PAK3: variants seen among roughly 807,000 people sequenced by gnomAD.
PAK3 encodes p21 (RAC1) activated kinase 3.
Under a neutral mutation model 41.0 loss-of-function variants are expected in PAK3, and 4 were observed. That is an observed-to-expected ratio of 0.10 (90% confidence interval 0.05 to 0.22). The LOEUF (loss-of-function observed/expected upper bound fraction) is 0.22, where lower values mean the gene tolerates loss of function less well. Ranked by LOEUF, PAK3 falls within the 10% of genes least tolerant of loss-of-function variation. The pLI, the probability that PAK3 is intolerant of heterozygous loss-of-function variation, is 1.00. For missense variants in PAK3, 205 were observed against 409.9 expected, an observed-to-expected ratio of 0.50 and a Z score of 4.32; for synonymous variants, 146 against 139.6, an observed-to-expected ratio of 1.05 and a Z score of -0.32.
intron 10 of PAK3, among the ~76,000 whole-genome samples, chrX:111,167,280 G>T (rs1473181571): frequency 3.6e-5 from 4 of 111,033 alleles, no homozygotes; most frequent in East Asian, 5.7e-4. Flanking sequence ...AAGTAGAGCA[G>T]CCTGTGCTGA....
chrX:111,016,528 C>T (rs1301965994), intron 1 of PAK3, among the ~76,000 whole-genome samples: 1 of 110,851 alleles, frequency 9.0e-6, no homozygotes, highest in Non-Finnish European at 1.9e-5. Flanking sequence ...TATATATGTG[C>T]ACACGTGCTC....
At position 111,131,980 on chromosome X, in the gene PAK3, A is replaced by AT. The variant is rs752592755; in HGVS notation, c.175+8711dup. 9.8e-3 allele frequency among the ~76,000 whole-genome samples: 1,080 copies of AT among 109,932 alleles called. 12 individuals are homozygous for AT. Among genetic ancestry groups the AT allele is most frequent in the African/African-American group, 0.034 (1,017 of 30,258 alleles). ...AAATCAGAGGATGAAGCAAAATGGC[A>AT]TTTTTTTTTAATAAAAAAAGGAAAA... On this transcript the variant is annotated intron_variant, in intron 5 of 17. Transcript: ENST00000372007.
intron 4 of PAK3, among the ~76,000 whole-genome samples, chrX:111,119,906 T>A (rs1191807814): frequency 8.9e-6 from 1 of 112,282 alleles, no homozygotes; most frequent in African/African-American, 3.2e-5. Context: ...GTACTATTCT[T>A]TCAACAGCAA....
intron 1 of PAK3, among the ~76,000 whole-genome samples, chrX:110,949,790 A>C (rs1245315381): frequency 4.5e-5 from 5 of 111,712 alleles, no homozygotes; most frequent in Middle Eastern, 9.2e-3. Flanking sequence ...TGAGCTAACC[A>C]TGTCCCCTTC....
Position 111,123,112 on chromosome X carries a change from C to T in PAK3, c.9C>T (p.Asp3=), listed in dbSNP as rs745645606. The T allele has an allele frequency of 4.3e-5, 51 of 1,199,883 alleles. No individual in the cohort carries two copies. Among genetic ancestry groups the T allele is most frequent in the African/African-American group, 1.1e-4 (6 of 56,708 alleles). ...ATTAGTTGTAACTGAAAATGTCTGA[C>T]GGTCTGGATAATGAAGAGAAACCCC... MS[D]GLDNEEKPPA... is the part of the protein sequence containing the mutation. The change falls in exon 5 of 18, where the codon GAC becomes GAT. Residue 3 remains aspartate, a synonymous_variant. Coordinates refer to ENST00000372007, the MANE Select transcript of PAK3 (RefSeq NM_002578.5).
At chrX:111,156,643 T>G (rs1305005611) in intron 8 of PAK3, among the ~76,000 whole-genome samples, 2 of 112,092 alleles carry the variant, frequency 1.8e-5, no homozygotes, top group Non-Finnish European at 3.8e-5. Context: ...ATAGCCTGAA[T>G]TGATTACAAG....
chrX:111,118,185 G>T (rs182398755), intron 4 of PAK3, among the ~76,000 whole-genome samples: 12 of 111,481 alleles, frequency 1.1e-4, no homozygotes, highest in Admixed American at 1.9e-4. Context: ...TCTTTTTTTG[G>T]CAGTTAAAAA....
At chrX:111,090,754 G>A (rs1040438270) in intron 1 of PAK3, among the ~76,000 whole-genome samples, 1 of 112,055 alleles carries the variant, frequency 8.9e-6, no homozygotes, top group Non-Finnish European at 1.9e-5. Flanking sequence ...TGACATCATA[G>A]TCCAGCCGGT....
chrX:111,160,544 C>T (rs944603793), intron 8 of PAK3, among the ~76,000 whole-genome samples: 2 of 108,883 alleles, frequency 1.8e-5, no homozygotes, highest in East Asian at 2.9e-4. Context: ...TATACATGTG[C>T]CATGTTGGTG....
rs1399723150 is a variant in PAK3, at chrX:111,064,377, T to C, written c.-27-58700T>C. On this transcript the variant is annotated intron_variant, in intron 1 of 14. Transcript: ENST00000425146. ...TATTCTGTGATGTTGAGGTTTTGGG[T>C]ACATTTGATCTCATCACCCAGGTAG... Among the ~76,000 whole-genome samples, 6 of 110,956 alleles carry C rather than the reference T, an allele frequency of 5.4e-5. No homozygotes were observed. The South Asian group carries it at 1.2e-3, about 22-fold the overall frequency.
chrX:111,210,421 C>G (rs946617353), intron 16 of PAK3, among the ~76,000 whole-genome samples: 2 of 111,245 alleles, frequency 1.8e-5, no homozygotes, highest in Admixed American at 1.9e-4. Context: ...ATACACTATT[C>G]ATACAGCTCT....
chrX:110,998,799 T>C (rs1266876884), intron 1 of PAK3, among the ~76,000 whole-genome samples: 2 of 112,027 alleles, frequency 1.8e-5, no homozygotes, highest in Non-Finnish European at 3.8e-5. Flanking sequence ...ATCAAATGAA[T>C]GAAGAAATGA....
intron 11 of PAK3, among the ~76,000 whole-genome samples, chrX:111,180,325 C>T (rs1425988108): frequency 3.6e-5 from 4 of 111,214 alleles, no homozygotes; most frequent in Non-Finnish European, 7.5e-5. Context: ...AGCTTGTTTA[C>T]GACATCCAAC....
In PAK3 at chrX:110,960,346, G is replaced by T. The variant is rs189575549; in HGVS notation, c.-28+15718G>T. Among the ~76,000 whole-genome samples the T allele has an allele frequency of 8.9e-5, 10 of 112,167 alleles. No individual in the cohort carries two copies. In the East Asian group the frequency reaches 2.8e-3, roughly 31 times the overall value. ...GGAAAAATTTAAGCAGAGGATGAGG[G>T]AATGCTGGGAGAGAGGGATCAATTT... On this transcript the variant is annotated intron_variant, in intron 1 of 14. Coordinates refer to the PAK3 transcript ENST00000425146.
chrX:111,047,963 C>T (rs1024762671), intron 1 of PAK3, among the ~76,000 whole-genome samples: 60 of 111,741 alleles, frequency 5.4e-4, no homozygotes, highest in African/African-American at 1.8e-3. Context: ...TATTTCTCTA[C>T]AGCCCTGATA....
intron 4 of PAK3, 70 bp from the exon 5 acceptor site, chrX:111,123,007 A>C (rs950931939): frequency 3.3e-5 from 21 of 633,161 alleles, no homozygotes; most frequent in Non-Finnish European, 4.9e-5. Flanking sequence ...AAGATGTTAG[A>C]ATCCACATAT....
intron 1 of PAK3, among the ~76,000 whole-genome samples, chrX:111,018,978 G>A (rs371594396): frequency 9.0e-6 from 1 of 111,407 alleles, no homozygotes; most frequent in East Asian, 2.8e-4. Flanking sequence ...AGGGCACAAA[G>A]TCCATTCAAT....
chrX:110,976,168 A>T lies in PAK3; in HGVS notation c.-28+31540A>T, dbSNP rs764822733. 2.5e-4 allele frequency among the ~76,000 whole-genome samples: 28 copies of T among 112,515 alleles called. No individual in the cohort carries two copies. The South Asian group carries it at 9.9e-3, about 40-fold the overall frequency. ...CAAACAAACTACCATTAGAGTGAACAGGCAACCTACAGAATGGGAGAAAAT... is the reference window on the plus strand; with the variant it reads ...CAAACAAACTACCATTAGAGTGAACTGGCAACCTACAGAATGGGAGAAAAT... On this transcript the variant is annotated intron_variant, in intron 1 of 14. Coordinates refer to the PAK3 transcript ENST00000425146.
rs1250668985 is a variant in PAK3 at position 111,043,397 on chromosome X, A to C, written c.-27-79680A>C. On this transcript the variant is annotated intron_variant, in intron 1 of 14. Transcript: ENST00000425146. ...TAATATAAAACTGTAGGACAGTCTCACTCCGTTTCTTCAAACACAGTAAGC... is the reference window on the plus strand; with the variant it reads ...TAATATAAAACTGTAGGACAGTCTCCCTCCGTTTCTTCAAACACAGTAAGC... Among the ~76,000 whole-genome samples, 4 of 111,495 alleles carry C rather than the reference A, an allele frequency of 3.6e-5. No homozygotes were observed. The Admixed American group carries it at 3.8e-4, about 11-fold the overall frequency.
Sources: allele counts gnomAD v4.1 joint callset (sites outside exome capture counted in the v4.1 genomes callset), GRCh38; gene constraint gnomAD v4.1.1; transcripts MANE v1.5; gene names NCBI Gene and HGNC (gene_info 2026-07-23, HGNC 2026-07-21).